The following DEF8 variants were observed in gnomAD, a reference collection of about 807,000 sequenced individuals.
DEF8 encodes DEF-8.
In DEF8, 38 loss-of-function variants were observed where a neutral mutation model predicts 59.1. The observed-to-expected ratio is 0.64, with a 90% CI of 0.50 to 0.84. DEF8 has a LOEUF of 0.84. Among genes scored for constraint, DEF8 ranks in the 40% least tolerant of loss-of-function variants. The pLI, the probability that DEF8 is intolerant of heterozygous loss-of-function variation, is 0.00. For synonymous variants in DEF8, 265 were observed against 250.1 expected (o/e 1.06, Z -0.56); for missense variants, 557 against 615.2 (o/e 0.91, Z 1.00).
rs548372423 is a variant in DEF8, at chr16:89,965,072, C to T, written c.1253+497C>T. On this transcript the variant is annotated intron_variant, in intron 12 of 12. Transcript: ENST00000563594. ...ATGCTCTCGCGTTTTTTTTCCTAGC[C>T]GCTAGACCAACAGGGAAAAATACTT... Among the ~76,000 whole-genome samples, 19 of 152,098 alleles carry T rather than the reference C, an allele frequency of 1.2e-4. No homozygotes were observed. In the South Asian group the frequency reaches 2.9e-3, roughly 23 times the overall value.
chr16:89,951,004 T>A (rs1274673384), intron 2 of DEF8, among the ~76,000 whole-genome samples: 2 of 152,182 alleles, frequency 1.3e-5, no homozygotes, highest in African/African-American at 4.8e-5. Context: ...AATGATAAAT[T>A]ATAATCAATA....
chr16:89,956,283 C>T (rs546021959), intron 4 of DEF8, among the ~76,000 whole-genome samples: 7 of 151,782 alleles, frequency 4.6e-5, no homozygotes, highest in South Asian at 2.1e-4. Flanking sequence ...GCTGAAACCC[C>T]GTCTCTACTA....
intron 6 of DEF8, 105 bp downstream of exon 6, chr16:89,959,260 C>T: frequency 6.4e-7 from 1 of 1,558,972 alleles, no homozygotes; most frequent in Non-Finnish European, 8.7e-7. Context: ...TGGCCACTAG[C>T]CAAACATGGC....
chr16:89,965,918 G>A lies in DEF8; in HGVS notation c.1311G>A (p.Arg437=), dbSNP rs1316046028. The A allele has an allele frequency of 3.7e-6, 6 of 1,613,754 alleles. No individual in the cohort carries two copies. Among genetic ancestry groups the A allele is most frequent in the Middle Eastern group, 1.7e-4 (1 of 6,056 alleles). The change falls in exon 13 of 13, where the codon AGG becomes AGA. Residue 437 remains arginine, a synonymous_variant. Coordinates refer to ENST00000563594, the MANE Select transcript of DEF8 (RefSeq NM_001242818.2). ...TCPKCARLSL[R]KQSLFQEPGP... ...CCAAGTGTGCCCGGCTCAGCCTGAGGAAGCAGTCGCTCTTCCAGGAGCCAG... is the reference window on the plus strand; with the variant it reads ...CCAAGTGTGCCCGGCTCAGCCTGAGAAAGCAGTCGCTCTTCCAGGAGCCAG...
Position 89,962,072 on chromosome 16 carries a change from C to G in DEF8, c.868C>G (p.Arg290Gly). ...GGTGTCTCGGCCCGTACTCAGGCTC[C>G]GGGAGATCAACCCTCTGCTGTTCAG... Reference protein sequence around the residue: ...LMVSRPVLRLREINPLLFSYV... With the variant: ...LMVSRPVLRLGEINPLLFSYV... The change falls in exon 9 of 13, where the codon CGG (arginine) becomes GGG (glycine). Residue 290 changes from arginine to glycine, a missense_variant. Coordinates refer to ENST00000563594, the MANE Select transcript of DEF8 (RefSeq NM_001242818.2). 1 of 1,614,038 alleles carries G rather than the reference C, an allele frequency of 6.2e-7. No individual in the cohort carries two copies. Among genetic ancestry groups the G allele is most frequent in the Non-Finnish European group, 8.5e-7 (1 of 1,179,998 alleles).
chr16:89,952,207 G>A (rs2032283139), intron 2 of DEF8, among the ~76,000 whole-genome samples: 2 of 152,232 alleles, frequency 1.3e-5, no homozygotes, highest in South Asian at 2.1e-4. Flanking sequence ...TAGAGATAGG[G>A]CCTCATTGCA....
intron 3 of DEF8, 21 bp from the exon 4 acceptor site, chr16:89,955,148 C>A (rs1252069226): frequency 6.3e-7 from 1 of 1,598,974 alleles, no homozygotes; most frequent in Middle Eastern, 1.7e-4. Flanking sequence ...ACGCTCCACA[C>A]CTGTCCCCGT....
At chr16:89,956,368 G>T (rs1835142652) in intron 4 of DEF8, among the ~76,000 whole-genome samples, 2 of 151,562 alleles carry the variant, frequency 1.3e-5, no homozygotes, top group Admixed American at 1.3e-4. Context: ...GCTGAGGCAG[G>T]AGAATCGCTT....
In DEF8 at chr16:89,967,600, T is replaced by C. The variant is rs1224948073; in HGVS notation, c.*1637T>C. On this transcript the variant is annotated 3_prime_UTR_variant, in exon 13 of 13. Coordinates refer to ENST00000563594, the MANE Select transcript of DEF8 (RefSeq NM_001242818.2). ...ATCAACAGTGTGGGTTCCTGTCCTGTTTCCCCTTCCTCTTTGGGGCTGAGG... is the reference window on the plus strand; with the variant it reads ...ATCAACAGTGTGGGTTCCTGTCCTGCTTCCCCTTCCTCTTTGGGGCTGAGG... 1 of 397,530 alleles carries C rather than the reference T, an allele frequency of 2.5e-6. No individual in the cohort carries two copies. The highest frequency in any genetic ancestry group is 2.1e-5 in the African/African-American group (1 of 48,624). 24.6% of individuals were successfully genotyped at this position (397,530 alleles called of 1,614,324 possible).
intron 2 of DEF8, chr16:89,949,723 A>T (rs1473180578): frequency 7.6e-7 from 1 of 1,317,754 alleles, no homozygotes; most frequent in East Asian, 2.4e-5. Context: ...GCTTCCTTTC[A>T]TTGCTAAGTT....
intron 4 of DEF8, 178 bp from the exon 5 acceptor site, chr16:89,957,333 C>G (rs944943969): frequency 2.5e-5 from 16 of 630,252 alleles, no homozygotes; most frequent in African/African-American, 2.4e-4. Flanking sequence ...CCGGGTGGAC[C>G]TTGACCGTGC....
chr16:89,965,912 C>T lies in DEF8; in HGVS notation c.1305C>T (p.Ser435=). 4 of 1,613,714 alleles carry T rather than the reference C, an allele frequency of 2.5e-6. No individual in the cohort carries two copies. Among genetic ancestry groups the T allele is most frequent in the Non-Finnish European group, 3.4e-6 (4 of 1,179,794 alleles). Residue 435 remains serine, a synonymous_variant, in exon 13 of 13, where the codon AGC becomes AGT. Coordinates refer to ENST00000563594, the MANE Select transcript of DEF8 (RefSeq NM_001242818.2). ...CTTGTCCCAAGTGTGCCCGGCTCAG[C>T]CTGAGGAAGCAGTCGCTCTTCCAGG... is the stretch of plus-strand genomic sequence containing the variant. ...STTCPKCARL[S]LRKQSLFQEP...
chr16:89,950,449 C>T (rs1443274557), intron 2 of DEF8: 1 of 621,294 alleles, frequency 1.6e-6, no homozygotes, highest in Non-Finnish European at 2.0e-6. Flanking sequence ...AGTGCAGTGG[C>T]ACAATCTCGG....
In DEF8 at chr16:89,950,002, C is replaced by T. The variant is rs2031706741; in HGVS notation, c.-11+489C>T. The T allele has an allele frequency of 1.4e-5, 14 of 1,033,130 alleles. No individual in the cohort carries two copies. In the South Asian group the frequency reaches 1.9e-4, roughly 14 times the overall value. The allele number at this position is 1,033,130 out of a possible 1,614,324, so 64.0% of individuals were successfully genotyped here. On this transcript the variant is annotated intron_variant, in intron 2 of 12. Coordinates refer to ENST00000563594, the MANE Select transcript of DEF8 (RefSeq NM_001242818.2). ...TCCCCTCATTCATCCCCTGCCCGTG[C>T]GCCAGGCCTGGGGCTGGCACTGACT...
chr16:89,963,456 G>C lies in DEF8; in HGVS notation c.1002+13G>C. 1.9e-6 allele frequency: 3 copies of C among 1,611,048 alleles called. No homozygotes were observed. In the South Asian group the frequency reaches 3.3e-5, roughly 18 times the overall value. Reference sequence around the variant, plus strand: ...TCTGCTGCTGCAGGTCAGACTGCCAGCAGGACTGGCCCCCGATGGGAAGCG... The same window carrying C: ...TCTGCTGCTGCAGGTCAGACTGCCACCAGGACTGGCCCCCGATGGGAAGCG... On this transcript the variant is annotated intron_variant, in intron 10 of 12. Transcript: ENST00000563594.
intron 6 of DEF8, among the ~76,000 whole-genome samples, chr16:89,960,167 C>T (rs2033834701): frequency 6.6e-6 from 1 of 152,020 alleles, no homozygotes; most frequent in Admixed American, 6.6e-5. Context: ...CAGTGGGGGC[C>T]ACAAGTGGGT....
chr16:89,963,480 C>G, intron 10 of DEF8, 37 bp downstream of exon 10: 1 of 1,587,754 alleles, frequency 6.3e-7, no homozygotes, highest in Non-Finnish European at 8.6e-7. Flanking sequence ...CGATGGGAAG[C>G]GCAGCCAGGG....
chr16:89,959,716 C>T (rs1215477598), intron 6 of DEF8, among the ~76,000 whole-genome samples: 2 of 152,210 alleles, frequency 1.3e-5, no homozygotes, highest in Non-Finnish European at 2.9e-5. Flanking sequence ...CCAGGATGGT[C>T]TCTATCTCCT....
At chr16:89,949,654 G>T (rs546328048) in intron 2 of DEF8, 141 bp downstream of exon 2, 7 of 1,601,118 alleles carry the variant, frequency 4.4e-6, no homozygotes, top group Admixed American at 3.5e-5. Flanking sequence ...TGCATCCCGC[G>T]TGTCCTGAGC....
Sources: gnomAD v4.1 joint callset for allele counts (sites outside exome capture counted in the v4.1 genomes callset) on GRCh38, gnomAD v4.1.1 for gene constraint, MANE v1.5 for transcripts, NCBI Gene and HGNC (gene_info 2026-07-23, HGNC 2026-07-21) for gene names.